Variants in SH3KBP1 observed in about 807,000 individuals in gnomAD.
The protein encoded by SH3KBP1 is SH3 domain-containing kinase-binding protein 1.
Under a neutral mutation model 50.1 loss-of-function variants are expected in SH3KBP1, and 8 were observed. That is an observed-to-expected ratio of 0.16 (90% CI 0.09 to 0.29). The LOEUF (loss-of-function observed/expected upper bound fraction) is 0.29. Ranked by LOEUF, SH3KBP1 falls within the 10% of genes least tolerant of loss-of-function variation. The pLI, the probability that SH3KBP1 is intolerant of heterozygous loss-of-function variation, is 1.00. For synonymous variants in SH3KBP1, 227 were observed against 218.6 expected (o/e 1.04, Z -0.34); for missense variants, 377 against 535.2 (o/e 0.70, Z 2.92).
rs776566487 is a variant in SH3KBP1 at position 19,595,037 on chromosome X, T to C, written c.1006-37A>G. On this transcript the variant is annotated intron_variant, in intron 9 of 17. Transcript: ENST00000397821. ...ATAAAAATTATACCACATGAGATTG[T>C]TGGCAAGCCTGTCCTCTCACAGAAG... 5.0e-6 allele frequency: 5 copies of C among 997,176 alleles called. No homozygotes were observed. The East Asian group carries it at 1.2e-4, about 24-fold the overall frequency. The allele number at this position is 997,176 out of a possible 1,213,427, so 82.2% of individuals were successfully genotyped here.
intron 9 of SH3KBP1, among the ~76,000 whole-genome samples, chrX:19,595,766 G>A (rs1270653916): frequency 1.8e-5 from 2 of 111,032 alleles, no homozygotes; most frequent in Non-Finnish European, 3.8e-5. Context: ...GGCTGGACTT[G>A]GAAAATTATT....
chrX:19,569,040 A>T, intron 13 of SH3KBP1, 63 bp downstream of exon 13: 1 of 1,009,139 alleles, frequency 9.9e-7, no homozygotes, highest in Non-Finnish European at 1.4e-6. Flanking sequence ...GTTGAAGGCA[A>T]GCCAGGCTCT....
intron 12 of SH3KBP1, among the ~76,000 whole-genome samples, chrX:19,571,689 A>G (rs1471719322): frequency 8.9e-6 from 1 of 111,860 alleles, no homozygotes; most frequent in African/African-American, 3.3e-5. Flanking sequence ...CTTCAAAATA[A>G]CAGACTAAAC....
chrX:19,684,285 T>C (rs1021960597), intron 5 of SH3KBP1, among the ~76,000 whole-genome samples: 1 of 112,044 alleles, frequency 8.9e-6, no homozygotes, highest in Non-Finnish European at 1.9e-5. Flanking sequence ...CAGATATCTT[T>C]GTACATGTGA....
At chrX:19,851,904 G>A (rs2068520544) in intron 1 of SH3KBP1, among the ~76,000 whole-genome samples, 1 of 111,150 alleles carries the variant, frequency 9.0e-6, no homozygotes, top group Admixed American at 9.6e-5. Context: ...TAACTGTAAC[G>A]ATCACTCTGT....
chrX:19,551,883 A>G (rs948153990), intron 13 of SH3KBP1, among the ~76,000 whole-genome samples: 4 of 111,210 alleles, frequency 3.6e-5, no homozygotes, highest in Admixed American at 9.6e-5. Context: ...CACCCCCCCA[A>G]TTCATCTTTT....
intron 2 of SH3KBP1, among the ~76,000 whole-genome samples, chrX:19,833,819 T>C (rs2067984903): frequency 8.9e-6 from 1 of 112,035 alleles, no homozygotes; most frequent in African/African-American, 3.3e-5. Flanking sequence ...AAAAACCCTC[T>C]TTCCACACTA....
intron 6 of SH3KBP1, among the ~76,000 whole-genome samples, chrX:19,664,148 T>A (rs2062536301): frequency 1.8e-5 from 2 of 111,592 alleles, no homozygotes; most frequent in African/African-American, 6.5e-5. Context: ...CACAGAACAG[T>A]CAACTGTCAA....
intron 1 of SH3KBP1, among the ~76,000 whole-genome samples, chrX:19,855,170 G>A: frequency 9.0e-6 from 1 of 110,928 alleles, no homozygotes; most frequent in Non-Finnish European, 1.9e-5. Context: ...TTTTAGTAGA[G>A]AGGGGGTTTC....
At chrX:19,719,193 T>C (rs1247384565) in intron 3 of SH3KBP1, among the ~76,000 whole-genome samples, 1 of 111,408 alleles carries the variant, frequency 9.0e-6, no homozygotes, top group East Asian at 2.8e-4. Flanking sequence ...ACCTCTCAGC[T>C]CTTTCACGCA....
At chrX:19,634,188 C>T (rs1423302884) in intron 7 of SH3KBP1, among the ~76,000 whole-genome samples, 1 of 106,443 alleles carries the variant, frequency 9.4e-6, no homozygotes, top group Non-Finnish European at 1.9e-5. Flanking sequence ...GAGAGAGAGA[C>T]AGACAGACAC....
chrX:19,875,587 G>A (rs1310996298), intron 1 of SH3KBP1, among the ~76,000 whole-genome samples: 1 of 112,396 alleles, frequency 8.9e-6, no homozygotes, highest in Non-Finnish European at 1.9e-5. Flanking sequence ...TCCTCCATGC[G>A]CCCTCCTTCA....
intron 6 of SH3KBP1, among the ~76,000 whole-genome samples, chrX:19,664,019 G>A (rs1318364613): frequency 3.6e-5 from 4 of 112,022 alleles, no homozygotes; most frequent in African/African-American, 1.3e-4. Flanking sequence ...AGCCTGGGAG[G>A]TCGAGGAGGC....
intron 2 of SH3KBP1, among the ~76,000 whole-genome samples, chrX:19,812,524 A>G (rs1230704562): frequency 9.0e-6 from 1 of 110,801 alleles, no homozygotes; most frequent in Non-Finnish European, 1.9e-5. Context: ...TGTACTGCCC[A>G]TATGTTCCTT....
At chrX:19,654,428 C>T (rs994348333) in intron 6 of SH3KBP1, among the ~76,000 whole-genome samples, 1 of 111,282 alleles carries the variant, frequency 9.0e-6, no homozygotes, top group African/African-American at 3.3e-5. Flanking sequence ...TACAGTCAGA[C>T]AATATTAAAA....
At chrX:19,658,288 G>A (rs2062346246) in intron 6 of SH3KBP1, among the ~76,000 whole-genome samples, 1 of 111,490 alleles carries the variant, frequency 9.0e-6, no homozygotes, top group Non-Finnish European at 1.9e-5. Flanking sequence ...GATGCCTGCT[G>A]TGTTCATTCA....
rs181535914 is a variant in SH3KBP1 at position 19,661,482 on chromosome X, G to A, written c.727-16007C>T. On this transcript the variant is annotated intron_variant, in intron 6 of 17. Transcript: ENST00000397821. ...AAAATGTATGGCAAAAGGACTGAAA[G>A]TAAATATTTTAAAAAGTTAACAGTG... is the stretch of plus-strand genomic sequence containing the variant. Among the ~76,000 whole-genome samples, 20 of 109,688 alleles carry A rather than the reference G, an allele frequency of 1.8e-4. No homozygotes were observed. The East Asian group carries it at 5.1e-3, about 28-fold the overall frequency.
chrX:19,626,549 A>C (rs2068027885), intron 8 of SH3KBP1, among the ~76,000 whole-genome samples: 1 of 111,162 alleles, frequency 9.0e-6, no homozygotes, highest in Non-Finnish European at 1.9e-5. Flanking sequence ...AACCGTCTTT[A>C]GCTAATATTC....
chrX:19,881,933 C>A (rs2069446206), intron 1 of SH3KBP1, among the ~76,000 whole-genome samples: 1 of 111,324 alleles, frequency 9.0e-6, no homozygotes, highest in Non-Finnish European at 1.9e-5. Flanking sequence ...AAGGATCATT[C>A]AGGATAACCT....
Sources: gnomAD v4.1 joint callset for allele counts (sites outside exome capture counted in the v4.1 genomes callset) on GRCh38, gnomAD v4.1.1 for gene constraint, MANE v1.5 for transcripts, NCBI Gene and HGNC (gene_info 2026-07-23, HGNC 2026-07-21) for gene names.